Variants in MIGA1 observed in about 807,000 individuals in gnomAD.
MIGA1 encodes family with sequence similarity 73, member A.
MIGA1 carries 58 observed loss-of-function variants against 82.0 expected under a neutral mutation model. That is an observed-to-expected ratio of 0.71 (90% CI 0.57 to 0.88). The LOEUF is 0.88. Among genes scored for constraint, MIGA1 ranks in the 40% least tolerant of loss-of-function variants. The pLI, the probability that MIGA1 is intolerant of heterozygous loss-of-function variation, is 0.00. For missense variants in MIGA1, 751 were observed against 749.1 expected (o/e 1.00, Z -0.03); for synonymous variants, 249 against 253.6 (o/e 0.98, Z 0.17).
intron 5 of MIGA1, among the ~76,000 whole-genome samples, chr1:77,809,589 A>C (rs1683237134): frequency 1.3e-5 from 2 of 152,128 alleles, no homozygotes; most frequent in South Asian, 2.1e-4. Flanking sequence ...GACCAAAAAA[A>C]ACTAAAAAAA....
chr1:77,877,976 A>G lies in MIGA1; in HGVS notation c.*2912A>G, dbSNP rs1211257065. The G allele has an allele frequency of 6.6e-6, 1 of 152,314 alleles. No individual in the cohort carries two copies. The highest frequency in any genetic ancestry group is 1.5e-5 in the Non-Finnish European group (1 of 68,032). 9.4% of individuals were successfully genotyped at this position (152,314 alleles called of 1,614,324 possible). Reference sequence around the variant, plus strand: ...TCACAAAAGAGGTAAGAGTGACCAAATAGAATTTTAGGACAATAAGTATAG... The same window carrying G: ...TCACAAAAGAGGTAAGAGTGACCAAGTAGAATTTTAGGACAATAAGTATAG... On this transcript the variant is annotated 3_prime_UTR_variant, in exon 16 of 16. Transcript: ENST00000370791.
At chr1:77,819,891 A>G (rs1273401177) in intron 7 of MIGA1, among the ~76,000 whole-genome samples, 1 of 152,010 alleles carries the variant, frequency 6.6e-6, no homozygotes, top group Non-Finnish European at 1.5e-5. Context: ...CACACAGTCC[A>G]TTCTCTTAAT....
chr1:77,847,232 G>A, intron 8 of MIGA1: 1 of 1,103,786 alleles, frequency 9.1e-7, no homozygotes, highest in South Asian at 1.2e-5. Context: ...ACCTCCATGA[G>A]TGAAAGCCTT....
chr1:77,853,728 G>T (rs1685144333), intron 8 of MIGA1: 1 of 318,692 alleles, frequency 3.1e-6, no homozygotes, highest in South Asian at 3.4e-5. Flanking sequence ...CACAAAGGAG[G>T]CATCATGCTT....
intron 10 of MIGA1, 120 bp downstream of exon 10, chr1:77,859,506 A>G: frequency 1.5e-6 from 1 of 675,096 alleles, no homozygotes; most frequent in Non-Finnish European, 2.6e-6. Context: ...CCTAATGACA[A>G]ATATAAAGTC....
chr1:77,810,922 A>G, intron 5 of MIGA1: 2 of 1,611,962 alleles, frequency 1.2e-6, no homozygotes, highest in Admixed American at 1.7e-5. Context: ...CAATAATTGC[A>G]ATTTCTTTCT....
At chr1:77,786,140 A>G (rs1280714329) in intron 2 of MIGA1, among the ~76,000 whole-genome samples, 4 of 152,172 alleles carry the variant, frequency 2.6e-5, no homozygotes, top group African/African-American at 9.7e-5. Flanking sequence ...TGTGGCTTGC[A>G]CCCTCTGAAG....
Position 77,875,170 on chromosome 1 carries a change from C to A in MIGA1, c.*106C>A. ...TTAACAGAATTGATGCATGTGGATT[C>A]AGGGAGGAAAAAAAAATCTACTAAA... On this transcript the variant is annotated 3_prime_UTR_variant, in exon 16 of 16. Transcript: ENST00000370791. The A allele has an allele frequency of 3.4e-6, 3 of 880,886 alleles. No homozygotes were observed. The highest frequency in any genetic ancestry group is 1.7e-5 in the African/African-American group (1 of 58,600). The allele number at this position is 880,886 out of a possible 1,614,324, so 54.6% of individuals were successfully genotyped here.
At chr1:77,794,919 A>G (rs1414950780) in intron 2 of MIGA1, among the ~76,000 whole-genome samples, 3 of 152,126 alleles carry the variant, frequency 2.0e-5, no homozygotes, top group Non-Finnish European at 2.9e-5. Flanking sequence ...TTGACACTGT[A>G]AGATATCTTA....
At chr1:77,867,535 C>T (rs971082444) in intron 14 of MIGA1, among the ~76,000 whole-genome samples, 1 of 152,094 alleles carries the variant, frequency 6.6e-6, no homozygotes, top group Non-Finnish European at 1.5e-5. Context: ...GCTGTGTTGC[C>T]CAGGCTGGCC....
At chr1:77,790,849 A>G (rs928259327) in intron 2 of MIGA1, among the ~76,000 whole-genome samples, 1 of 151,902 alleles carries the variant, frequency 6.6e-6, no homozygotes, top group East Asian at 1.9e-4. Flanking sequence ...CAGCCTCCCA[A>G]AGTGCTGGGA....
intron 1 of MIGA1, chr1:77,783,004 C>CT (rs879730152): frequency 0.012 from 3,446 of 281,484 alleles, no homozygotes; most frequent in Non-Finnish European, 0.016. Context: ...TTAAATCTAG[C>CT]TTTTTTTTTT....
intron 5 of MIGA1, among the ~76,000 whole-genome samples, chr1:77,809,735 G>C (rs1683243515): frequency 6.7e-6 from 1 of 148,936 alleles, no homozygotes; most frequent in South Asian, 2.1e-4. Context: ...TGATATAATT[G>C]GTTTTTATGT....
intron 12 of MIGA1, among the ~76,000 whole-genome samples, chr1:77,863,024 C>T (rs113363598): frequency 2.6e-5 from 4 of 151,840 alleles, no homozygotes; most frequent in African/African-American, 9.7e-5. Context: ...ACAACAAATA[C>T]ATGAAGACTT....
At chr1:77,803,808 A>T (rs1682982978) in intron 4 of MIGA1, among the ~76,000 whole-genome samples, 1 of 152,168 alleles carries the variant, frequency 6.6e-6, no homozygotes, top group Non-Finnish European at 1.5e-5. Context: ...TGGGTAAAAA[A>T]ATATAGGCAG....
chr1:77,809,752 ATGT>A (rs1163425124), intron 5 of MIGA1, among the ~76,000 whole-genome samples: 3 of 115,366 alleles, frequency 2.6e-5, no homozygotes, highest in African/African-American at 3.1e-5. Flanking sequence ...ATGTGCATAA[ATGT>A]TTTTTTTTTT....
At chr1:77,866,497 T>A in intron 14 of MIGA1, 106 bp downstream of exon 14, 6 of 1,017,718 alleles carry the variant, frequency 5.9e-6, no homozygotes, top group Non-Finnish European at 7.8e-6. Context: ...GTAGGAGGGG[T>A]AGGAGGGACT....
chr1:77,784,015 A>G (rs1235231616), intron 2 of MIGA1, among the ~76,000 whole-genome samples: 1 of 152,160 alleles, frequency 6.6e-6, no homozygotes, highest in Non-Finnish European at 1.5e-5. Context: ...AGGTAGAATA[A>G]TATTTCGTTG....
At chr1:77,855,047 A>C (rs1295520445) in intron 8 of MIGA1, among the ~76,000 whole-genome samples, 1 of 152,182 alleles carries the variant, frequency 6.6e-6, no homozygotes, top group African/African-American at 2.4e-5. Flanking sequence ...TTAAGTCCTT[A>C]ATCCTTCCTG....
Sources: allele counts gnomAD v4.1 joint callset (sites outside exome capture counted in the v4.1 genomes callset), GRCh38; gene constraint gnomAD v4.1.1; transcripts MANE v1.5; gene names NCBI Gene and HGNC (gene_info 2026-07-23, HGNC 2026-07-21).